The following RAB3GAP1 variants were observed in gnomAD, a reference collection of about 807,000 sequenced individuals.
RAB3GAP1 encodes the protein rab3 GTPase-activating protein catalytic subunit.
In RAB3GAP1, 86 loss-of-function variants were observed where a neutral mutation model predicts 130.7. That is an observed-to-expected ratio of 0.66 (90% CI 0.55 to 0.79). RAB3GAP1 has a LOEUF of 0.79. Among genes scored for constraint, RAB3GAP1 ranks in the 30% least tolerant of loss-of-function variants. The probability of loss-of-function intolerance (pLI) is 0.00; values close to 1 mark genes in which losing one functional copy is unlikely to be tolerated. For missense variants in RAB3GAP1, 1,029 were observed against 1,169.4 expected, an observed-to-expected ratio of 0.88 and a Z score of 1.75; for synonymous variants, 367 against 401.7, an observed-to-expected ratio of 0.91 and a Z score of 1.03.
intron 3 of RAB3GAP1, among the ~76,000 whole-genome samples, chr2:135,063,093 TG>T (rs1438919337): frequency 6.6e-6 from 1 of 152,106 alleles, no homozygotes; most frequent in African/African-American, 2.4e-5. Context: ...AAATGTGAAG[TG>T]GGGGGAAATG....
intron 3 of RAB3GAP1, among the ~76,000 whole-genome samples, chr2:135,077,636 G>A (rs887210301): frequency 3.9e-5 from 6 of 152,138 alleles, no homozygotes; most frequent in South Asian, 2.1e-4. Flanking sequence ...GAACCATCAC[G>A]TTTTCCACAG....
At chr2:135,166,252 A>G (rs550269013) in intron 23 of RAB3GAP1, among the ~76,000 whole-genome samples, 1 of 152,316 alleles carries the variant, frequency 6.6e-6, no homozygotes, top group Admixed American at 6.5e-5. Context: ...CTTATTTTAG[A>G]TAACTAAGCA....
At chr2:135,125,558 AT>A (rs1362636311) in intron 9 of RAB3GAP1, among the ~76,000 whole-genome samples, 2 of 152,230 alleles carry the variant, frequency 1.3e-5, no homozygotes, top group African/African-American at 2.4e-5. Context: ...AATGAAAGTT[AT>A]GTGAATGTGA....
intron 19 of RAB3GAP1, among the ~76,000 whole-genome samples, chr2:135,157,703 A>C (rs1692349807): frequency 6.6e-6 from 1 of 151,904 alleles, no homozygotes; most frequent in African/African-American, 2.4e-5. Flanking sequence ...GTGGTAGCAC[A>C]CGTCTGTAAT....
intron 3 of RAB3GAP1, among the ~76,000 whole-genome samples, chr2:135,086,055 G>A (rs1689972455): frequency 6.6e-6 from 1 of 152,078 alleles, no homozygotes. Context: ...TGAACATGAT[G>A]TTTTAAAAAT....
At chr2:135,065,746 T>C (rs943670246) in intron 3 of RAB3GAP1, among the ~76,000 whole-genome samples, 1 of 151,832 alleles carries the variant, frequency 6.6e-6, no homozygotes, top group Non-Finnish European at 1.5e-5. Context: ...TCTTAAAATT[T>C]CTAATACGGG....
intron 8 of RAB3GAP1, 64 bp from the exon 9 acceptor site, chr2:135,124,101 C>A: frequency 6.8e-7 from 1 of 1,467,478 alleles, no homozygotes; most frequent in Non-Finnish European, 9.5e-7. Flanking sequence ...TTCCAAAGGG[C>A]TTAACTAGAT....
chr2:135,159,636 G>A (rs1190239781), intron 19 of RAB3GAP1, among the ~76,000 whole-genome samples: 1 of 152,186 alleles, frequency 6.6e-6, no homozygotes, highest in Non-Finnish European at 1.5e-5. Context: ...AGGGGATCCT[G>A]GAACAGGAAA....
At chr2:135,081,455 A>G (rs1689819864) in intron 3 of RAB3GAP1, among the ~76,000 whole-genome samples, 1 of 148,106 alleles carries the variant, frequency 6.8e-6, no homozygotes, top group Non-Finnish European at 1.5e-5. Flanking sequence ...GCAAATCTCC[A>G]TAACAATATG....
chr2:135,127,302 T>TAG (rs1691379892), intron 11 of RAB3GAP1, among the ~76,000 whole-genome samples: 1 of 151,806 alleles, frequency 6.6e-6, no homozygotes, highest in Admixed American at 6.6e-5. Flanking sequence ...GTTGCCCCTC[T>TAG]AGACGTGTGT....
At chr2:135,060,341 C>G (rs909602889) in intron 3 of RAB3GAP1, among the ~76,000 whole-genome samples, 2 of 149,546 alleles carry the variant, frequency 1.3e-5, no homozygotes, top group Non-Finnish European at 1.5e-5. Flanking sequence ...CTCACCGCAA[C>G]CTCCACCTCC....
chr2:135,135,339 A>C lies in RAB3GAP1; in HGVS notation c.1554+20A>C. The C allele has an allele frequency of 6.3e-7, 1 of 1,577,258 alleles. No individual in the cohort carries two copies. The highest frequency in any genetic ancestry group is 8.7e-7 in the Non-Finnish European group (1 of 1,146,710). ...CTACAGGTAAAGATTTCTCAATGAC[A>C]TGGATAAATGTGGTCTTGATTTAAT... On this transcript the variant is annotated intron_variant, in intron 16 of 23. Transcript: ENST00000264158.
Position 135,133,886 on chromosome 2 carries a change from C to A in RAB3GAP1, c.1352C>A (p.Ala451Glu). Residue 451 changes from alanine to glutamate, a missense_variant, in exon 15 of 24, where the codon GCA becomes GAA. Physicochemically the swap from Ala to Glu is moderately radical, Grantham distance 107. Around this residue, in one of 3 missense-constraint regions of RAB3GAP1, gnomAD observed 510 missense variants for 532.1 expected, o/e 0.96. Transcript: ENST00000264158. ...AATCTCTACAATCAGTTCAAGTCTG[C>A]ACCATCTGACAGTTTAACATACAAA... ...DYNLYNQFKS[A>E]PSDSLTYKLA... is the part of the protein sequence containing the mutation. 1.2e-6 allele frequency: 2 copies of A among 1,613,684 alleles called. No homozygotes were observed. The highest frequency in any genetic ancestry group is 1.7e-6 in the Non-Finnish European group (2 of 1,179,648).
chr2:135,134,952 C>T (rs1407264521), intron 15 of RAB3GAP1, among the ~76,000 whole-genome samples: 2 of 152,186 alleles, frequency 1.3e-5, no homozygotes, highest in Non-Finnish European at 2.9e-5. Context: ...TATGCTAGTA[C>T]TTCCTGGAGT....
At chr2:135,072,551 A>G (rs149956781) in intron 3 of RAB3GAP1, among the ~76,000 whole-genome samples, 12 of 152,342 alleles carry the variant, frequency 7.9e-5, no homozygotes, top group African/African-American at 2.4e-4. Context: ...TAGAGAGACT[A>G]TTATGCTTTA....
intron 5 of RAB3GAP1, among the ~76,000 whole-genome samples, chr2:135,110,702 A>C (rs1427910111): frequency 6.6e-6 from 1 of 152,244 alleles, no homozygotes; most frequent in Non-Finnish European, 1.5e-5. Context: ...AATTTATTAT[A>C]GAGATATAGA....
At chr2:135,173,284 C>T (rs1419340870), downstream of RAB3GAP1, among the ~76,000 whole-genome samples, 2 of 151,536 alleles carry the variant, frequency 1.3e-5, no homozygotes, top group Non-Finnish European at 2.9e-5. Flanking sequence ...AAGCCATGGA[C>T]AGTATGAGGT....
chr2:135,117,531 GCTTCTTCTTCTGCTT>G (rs1276978289), intron 7 of RAB3GAP1, among the ~76,000 whole-genome samples: 35 of 20,008 alleles, frequency 1.7e-3, no homozygotes, highest in East Asian at 0.013. Flanking sequence ...TGCTTCTTCT[GCTTCTTCTTCTGCTT>G]CTTCTTCTTC....
At chr2:135,075,798 A>G (rs1558763745) in intron 3 of RAB3GAP1, among the ~76,000 whole-genome samples, 1 of 149,096 alleles carries the variant, frequency 6.7e-6, no homozygotes, top group African/African-American at 2.5e-5. Flanking sequence ...AAACTTTTTT[A>G]TTTCATTGTG....
Sources: allele counts gnomAD v4.1 joint callset (sites outside exome capture counted in the v4.1 genomes callset), GRCh38; gene constraint gnomAD v4.1.1; regional missense constraint gnomAD v4.1.1; transcripts MANE v1.5; gene names NCBI Gene and HGNC (gene_info 2026-07-23, HGNC 2026-07-21).